The following PLD5 variants were observed in gnomAD, a reference collection of about 807,000 sequenced individuals.
PLD5 encodes the protein phospholipase D family member 5, also known as inactive phospholipase D5.
PLD5 carries 36 observed loss-of-function variants against 61.1 expected under a neutral mutation model. The observed-to-expected ratio is 0.59, with a 90% CI of 0.45 to 0.78. PLD5 has a LOEUF of 0.78. Ranked by LOEUF, PLD5 falls within the 30% of genes least tolerant of loss-of-function variation. The probability of loss-of-function intolerance (pLI) is 0.00; values close to 1 mark genes in which losing one functional copy is unlikely to be tolerated. For synonymous variants in PLD5, 243 were observed against 242.8 expected (o/e 1.00, Z -0.01); for missense variants, 515 against 644.4 (o/e 0.80, Z 2.17).
At chr1:242,253,112 GC>G (rs1243132011) in intron 4 of PLD5, among the ~76,000 whole-genome samples, 7 of 127,306 alleles carry the variant, frequency 5.5e-5, no homozygotes, top group Non-Finnish European at 9.5e-5. Flanking sequence ...ACCGTGTATG[GC>G]CCTTTTTTTT....
intron 1 of PLD5, among the ~76,000 whole-genome samples, chr1:242,418,635 A>G (rs934982201): frequency 1.3e-5 from 2 of 152,206 alleles, no homozygotes; most frequent in African/African-American, 4.8e-5. Context: ...GACCTAGTGT[A>G]TCAGTTCAAA....
intron 2 of PLD5, among the ~76,000 whole-genome samples, chr1:242,300,533 C>A (rs1675975318): frequency 6.6e-6 from 1 of 151,442 alleles, no homozygotes; most frequent in South Asian, 2.1e-4. Flanking sequence ...ATCAGGGAGG[C>A]CAATGTGGTT....
At chr1:242,301,932 C>A (rs1676074026) in intron 2 of PLD5, among the ~76,000 whole-genome samples, 1 of 151,920 alleles carries the variant, frequency 6.6e-6, no homozygotes. Flanking sequence ...GGCCTGCCAC[C>A]ACACCCGGCT....
At chr1:242,455,147 C>T (rs930274052) in intron 1 of PLD5, among the ~76,000 whole-genome samples, 4 of 152,186 alleles carry the variant, frequency 2.6e-5, no homozygotes, top group Non-Finnish European at 4.4e-5. Flanking sequence ...TTTTCACATA[C>T]ATCTATGTGT....
chr1:242,413,030 T>G (rs1018051488), intron 1 of PLD5, among the ~76,000 whole-genome samples: 2 of 152,150 alleles, frequency 1.3e-5, no homozygotes, highest in Admixed American at 1.3e-4. Flanking sequence ...GATTTCTCAC[T>G]GGGGTTTCTG....
At position 242,084,058 on chromosome 1, in the gene PLD5, AAG is replaced by A. The variant is rs1659352261; in HGVS notation, c.*5794_*5795del. The stretch of plus-strand genomic sequence containing the variant: ...GAGAGCCAGATATCCACTTCATAAA[AAG>A]AGATCTTTTCTCCTTACTAATTTAT... On this transcript the variant is annotated 3_prime_UTR_variant, in exon 10 of 10. Transcript: ENST00000536534. The A allele has an allele frequency of 6.6e-6, 1 of 152,234 alleles. No homozygotes were observed. The allele number at this position is 152,234 out of a possible 1,614,324, so 9.4% of individuals were successfully genotyped here.
At chr1:242,319,200 G>T (rs1326062229) in intron 2 of PLD5, among the ~76,000 whole-genome samples, 4 of 151,978 alleles carry the variant, frequency 2.6e-5, no homozygotes, top group Non-Finnish European at 5.9e-5. Flanking sequence ...TTTTGCCAGG[G>T]AGAGAATCCC....
At chr1:242,218,146 C>T (rs749662795) in intron 5 of PLD5, among the ~76,000 whole-genome samples, 1 of 152,164 alleles carries the variant, frequency 6.6e-6, no homozygotes, top group Non-Finnish European at 1.5e-5. Context: ...GCCACCCTAG[C>T]CTTTAGCAAT....
At chr1:242,090,188 G>C in intron 9 of PLD5, 78 bp from the exon 10 acceptor site, 1 of 1,533,430 alleles carries the variant, frequency 6.5e-7, no homozygotes, top group East Asian at 2.3e-5. Flanking sequence ...ATTCAGAGTG[G>C]ATTCTATTAA....
chr1:242,448,211 A>G (rs560668818), intron 1 of PLD5, among the ~76,000 whole-genome samples: 1 of 152,240 alleles, frequency 6.6e-6, no homozygotes, highest in Admixed American at 6.5e-5. Context: ...CTGTGTCCCT[A>G]TGAATGAATG....
chr1:242,371,914 C>T (rs1171442689), intron 1 of PLD5, among the ~76,000 whole-genome samples: 1 of 151,720 alleles, frequency 6.6e-6, no homozygotes, highest in African/African-American at 2.4e-5. Context: ...ATGTGCAGAA[C>T]GTGCAGGTTT....
chr1:242,306,711 C>A (rs1245190255), intron 2 of PLD5, among the ~76,000 whole-genome samples: 1 of 151,752 alleles, frequency 6.6e-6, no homozygotes, highest in African/African-American at 2.4e-5. Flanking sequence ...AGGAATGCTA[C>A]ACTGAGAAAG....
Position 242,347,808 on chromosome 1 carries a change from C to G in PLD5, c.326+298G>C, listed in dbSNP as rs182757303. On this transcript the variant is annotated intron_variant, in intron 2 of 9. Transcript: ENST00000536534. ...GGGGCACTCCTTTTTACAGGCTCAT[C>G]ATGAACACCCAAAACAAACCTCATA... Among the ~76,000 whole-genome samples the G allele has an allele frequency of 1.9e-4, 29 of 152,332 alleles. No individual in the cohort carries two copies. In the East Asian group the frequency reaches 4.8e-3, roughly 25 times the overall value.
rs184499647 is a variant in PLD5 at position 242,512,219 on chromosome 1, G to A, written c.189+11869C>T. Among the ~76,000 whole-genome samples the A allele has an allele frequency of 7.9e-5, 12 of 151,504 alleles. No homozygotes were observed. The East Asian group carries it at 1.8e-3, about 22-fold the overall frequency. On this transcript the variant is annotated intron_variant, in intron 1 of 9. Coordinates refer to ENST00000536534, the MANE Select transcript of PLD5 (RefSeq NM_001372062.1). ...GAGGTCAGGAGATCGAGACCATCCT[G>A]GCTAACACGGTGAAACCTCGTCTCT...
chr1:242,131,706 G>C (rs906557713), intron 5 of PLD5, among the ~76,000 whole-genome samples: 2 of 152,128 alleles, frequency 1.3e-5, no homozygotes, highest in Non-Finnish European at 2.9e-5. Context: ...ATTCCCTGTG[G>C]GTGGGGGCCA....
chr1:242,507,776 A>G (rs1388723218), intron 1 of PLD5, among the ~76,000 whole-genome samples: 1 of 152,256 alleles, frequency 6.6e-6, no homozygotes, highest in Non-Finnish European at 1.5e-5. Flanking sequence ...CCCAAATAAC[A>G]GCTCAACAAT....
intron 6 of PLD5, among the ~76,000 whole-genome samples, chr1:242,122,315 G>A (rs1217135439): frequency 6.6e-6 from 1 of 152,172 alleles, no homozygotes; most frequent in Admixed American, 6.5e-5. Flanking sequence ...CCTGTTTAAG[G>A]GTTAGTATGT....
chr1:242,197,868 A>G (rs1169362770), intron 5 of PLD5, among the ~76,000 whole-genome samples: 1 of 152,076 alleles, frequency 6.6e-6, no homozygotes, highest in Non-Finnish European at 1.5e-5. Flanking sequence ...TCCTGACCTC[A>G]TGTGATCTGC....
In PLD5 at chr1:242,219,987, C is replaced by T. The variant is rs373083912; in HGVS notation, c.735+1G>A. On this transcript the variant is annotated splice_donor_variant, in intron 5 of 9. Transcript: ENST00000536534. LOFTEE classifies it high-confidence loss of function. ...GAGTTTACATAACGTAGAAAGCTTA[C>T]CTGTCCCAGGGATTGCCAGTCCAAA... 6.2e-7 allele frequency: 1 copy of T among 1,613,146 alleles called. No homozygotes were observed. Among genetic ancestry groups the T allele is most frequent in the Non-Finnish European group, 8.5e-7 (1 of 1,179,154 alleles).
Sources: gnomAD v4.1 joint callset for allele counts (sites outside exome capture counted in the v4.1 genomes callset) on GRCh38, gnomAD v4.1.1 for gene constraint, MANE v1.5 for transcripts, NCBI Gene and HGNC (gene_info 2026-07-23, HGNC 2026-07-21) for gene names.